Variants in DLGAP1 observed in about 807,000 individuals in gnomAD.
DLGAP1 encodes DLG associated protein 1, also known as disks large-associated protein 1.
In DLGAP1, 11 loss-of-function variants were observed where a neutral mutation model predicts 90.8. The ratio of observed to expected loss-of-function variants is 0.12; its 90% confidence interval spans 0.08 to 0.20. The LOEUF is 0.20. Ranked by LOEUF, DLGAP1 falls within the 10% of genes least tolerant of loss-of-function variation. DLGAP1 has a pLI of 1.00. For synonymous variants in DLGAP1, 558 were observed against 540.7 expected, an observed-to-expected ratio of 1.03 and a Z score of -0.44; for missense variants, 1,050 against 1,333.8, an observed-to-expected ratio of 0.79 and a Z score of 3.31.
At chr18:4,359,249 TCTC>T (rs2144081179) in intron 1 of DLGAP1, among the ~76,000 whole-genome samples, 1 of 152,280 alleles carries the variant, frequency 6.6e-6, no homozygotes, top group South Asian at 2.1e-4. Flanking sequence ...CTCTCTGACT[TCTC>T]CTTCCTTCTC....
chr18:4,310,482 A>C (rs1354895140), intron 1 of DLGAP1, among the ~76,000 whole-genome samples: 1 of 152,154 alleles, frequency 6.6e-6, no homozygotes. Context: ...AGAAGGCTGC[A>C]ATCATCCACT....
At chr18:4,396,486 T>C (rs2082443740) in intron 1 of DLGAP1, among the ~76,000 whole-genome samples, 1 of 152,148 alleles carries the variant, frequency 6.6e-6, no homozygotes, top group African/African-American at 2.4e-5. Flanking sequence ...TACTCTGAAG[T>C]CCAAGAGATA....
intron 3 of DLGAP1, among the ~76,000 whole-genome samples, chr18:4,003,117 G>C (rs554297034): frequency 1.3e-5 from 2 of 152,316 alleles, no homozygotes; most frequent in South Asian, 4.1e-4. Flanking sequence ...ATAAGTCTTA[G>C]AGAACCATGA....
At chr18:4,225,525 C>CT (rs2078168276) in intron 1 of DLGAP1, among the ~76,000 whole-genome samples, 2 of 152,088 alleles carry the variant, frequency 1.3e-5, no homozygotes, top group African/African-American at 4.8e-5. Context: ...TTTAAAATAG[C>CT]TTTTTTGAGG....
At chr18:4,066,563 A>T (rs892574440) in intron 2 of DLGAP1, among the ~76,000 whole-genome samples, 2 of 152,196 alleles carry the variant, frequency 1.3e-5, no homozygotes, top group Non-Finnish European at 2.9e-5. Context: ...GCCAACAAGC[A>T]TATGAAAAAT....
At chr18:4,168,631 T>C (rs955239057) in intron 1 of DLGAP1, among the ~76,000 whole-genome samples, 3 of 152,208 alleles carry the variant, frequency 2.0e-5, no homozygotes, top group Non-Finnish European at 2.9e-5. Flanking sequence ...AGGGACCTCA[T>C]AAAAGTGGAA....
chr18:3,817,470 T>C (rs2067163574), intron 4 of DLGAP1, among the ~76,000 whole-genome samples: 1 of 152,172 alleles, frequency 6.6e-6, no homozygotes, highest in African/African-American at 2.4e-5. Context: ...ATTATTTATA[T>C]ACCTAAAGGT....
chr18:3,542,203 T>C (rs964929918), intron 9 of DLGAP1, among the ~76,000 whole-genome samples: 2 of 152,240 alleles, frequency 1.3e-5, no homozygotes, highest in East Asian at 1.9e-4. Context: ...GAAACTTTTA[T>C]GCAAATCATC....
chr18:4,396,049 G>A (rs1356181312), intron 1 of DLGAP1, among the ~76,000 whole-genome samples: 3 of 152,154 alleles, frequency 2.0e-5, no homozygotes, highest in Non-Finnish European at 2.9e-5. Flanking sequence ...TAACTCCACC[G>A]GCTGCGGGCA....
intron 1 of DLGAP1, among the ~76,000 whole-genome samples, chr18:4,212,788 C>T (rs946549163): frequency 1.3e-5 from 2 of 151,902 alleles, no homozygotes; most frequent in East Asian, 3.9e-4. Flanking sequence ...AATTTTTACA[C>T]AGTATAAAAA....
chr18:3,614,125 G>T (rs2057750090), intron 7 of DLGAP1, among the ~76,000 whole-genome samples: 1 of 151,914 alleles, frequency 6.6e-6, no homozygotes, highest in African/African-American at 2.4e-5. Context: ...TCACCACATT[G>T]ACCAGACTGG....
intron 8 of DLGAP1, chr18:3,580,363 G>C: frequency 6.2e-7 from 1 of 1,613,940 alleles, no homozygotes; most frequent in Non-Finnish European, 8.5e-7. Flanking sequence ...CAGACTCGGG[G>C]CTCGAATTTC....
At chr18:4,070,203 G>C (rs2075426851) in intron 2 of DLGAP1, among the ~76,000 whole-genome samples, 1 of 152,046 alleles carries the variant, frequency 6.6e-6, no homozygotes, top group Non-Finnish European at 1.5e-5. Flanking sequence ...CGTTGGTCCT[G>C]AACTCTTGAC....
chr18:4,275,186 T>C (rs990783711), intron 1 of DLGAP1: 6 of 152,182 alleles, frequency 3.9e-5, no homozygotes, highest in Admixed American at 3.9e-4. Context: ...GTCCCCATGA[T>C]GTCTCTAATG....
chr18:3,926,599 C>T (rs1157982926), intron 3 of DLGAP1, among the ~76,000 whole-genome samples: 1 of 151,600 alleles, frequency 6.6e-6, no homozygotes, highest in African/African-American at 2.4e-5. Flanking sequence ...TAGATAGATA[C>T]ATGCAGACAC....
chr18:3,902,553 T>C (rs1482893760), intron 3 of DLGAP1, among the ~76,000 whole-genome samples: 1 of 152,202 alleles, frequency 6.6e-6, no homozygotes, highest in African/African-American at 2.4e-5. Flanking sequence ...TCACAATAGA[T>C]CTGGCTTGGC....
At chr18:3,669,789 A>G (rs2060020585) in intron 7 of DLGAP1, among the ~76,000 whole-genome samples, 1 of 152,210 alleles carries the variant, frequency 6.6e-6, no homozygotes, top group Admixed American at 6.5e-5. Flanking sequence ...CACCAAGGCA[A>G]GAACCCGGAT....
intron 3 of DLGAP1, among the ~76,000 whole-genome samples, chr18:3,925,761 A>G (rs1231803891): frequency 1.3e-5 from 2 of 152,226 alleles, no homozygotes; most frequent in Admixed American, 6.5e-5. Context: ...TACATTCAGG[A>G]AAGAACTCAA....
chr18:4,398,741 G>T (rs2082490168), intron 1 of DLGAP1, among the ~76,000 whole-genome samples: 1 of 152,186 alleles, frequency 6.6e-6, no homozygotes, highest in South Asian at 2.1e-4. Context: ...CATTAAGCCA[G>T]GGGTAATTCA....
Sources: gnomAD v4.1 joint callset for allele counts (sites outside exome capture counted in the v4.1 genomes callset) on GRCh38, gnomAD v4.1.1 for gene constraint, MANE v1.5 for transcripts, NCBI Gene and HGNC (gene_info 2026-07-23, HGNC 2026-07-21) for gene names.